The following CCSER2 variants were observed in gnomAD, a reference collection of about 807,000 sequenced individuals.
CCSER2 encodes coiled-coil serine rich protein 2, also known as serine-rich coiled-coil domain-containing protein 2.
A neutral mutation model predicts 92.3 loss-of-function variants in CCSER2; 46 were observed. The ratio of observed to expected loss-of-function variants is 0.50; its 90% confidence interval spans 0.39 to 0.64. The LOEUF (loss-of-function observed/expected upper bound fraction) is 0.64. Ranked by LOEUF, CCSER2 falls within the 30% of genes least tolerant of loss-of-function variation. The probability of loss-of-function intolerance (pLI) is 0.00; values close to 1 mark genes in which losing one functional copy is unlikely to be tolerated. For missense variants in CCSER2, 1,244 were observed against 1,238.9 expected (o/e 1.00, Z -0.06); for synonymous variants, 433 against 431.4 (o/e 1.00, Z -0.04).
intron 9 of CCSER2, among the ~76,000 whole-genome samples, chr10:84,478,215 T>A (rs539013114): frequency 7.9e-4 from 121 of 152,342 alleles, no homozygotes; most frequent in African/African-American, 2.8e-3. Flanking sequence ...CTTATTTGTT[T>A]TTCAAAAATG....
At chr10:84,409,287 G>A (rs1842527278) in intron 3 of CCSER2, among the ~76,000 whole-genome samples, 1 of 150,800 alleles carries the variant, frequency 6.6e-6, no homozygotes, top group Non-Finnish European at 1.5e-5. Context: ...CACCGCGCCT[G>A]GCCTATTTAT....
intron 3 of CCSER2, among the ~76,000 whole-genome samples, chr10:84,397,717 T>C (rs1841917073): frequency 1.3e-5 from 2 of 152,238 alleles, no homozygotes; most frequent in South Asian, 4.1e-4. Flanking sequence ...AAACTTGATT[T>C]GAGCTTACTG....
intron 1 of CCSER2, among the ~76,000 whole-genome samples, 170 bp downstream of exon 1, chr10:84,328,978 G>C (rs569071308): frequency 6.6e-6 from 1 of 151,824 alleles, no homozygotes; most frequent in South Asian, 2.1e-4. Flanking sequence ...AGCCCCTCGC[G>C]AGCCGCCGGA....
intron 7 of CCSER2, among the ~76,000 whole-genome samples, chr10:84,469,939 T>C (rs1846676504): frequency 6.6e-6 from 1 of 151,984 alleles, no homozygotes; most frequent in Non-Finnish European, 1.5e-5. Context: ...CTGCTTCTCA[T>C]GCCCTTTGTT....
At chr10:84,480,260 T>A (rs776663343) in intron 9 of CCSER2, among the ~76,000 whole-genome samples, 4 of 152,030 alleles carry the variant, frequency 2.6e-5, no homozygotes, top group Non-Finnish European at 4.4e-5. Flanking sequence ...TGGGCTCAGG[T>A]GATCTTTTTG....
At chr10:84,381,461 A>G (rs1439530011) in intron 3 of CCSER2, among the ~76,000 whole-genome samples, 1 of 152,204 alleles carries the variant, frequency 6.6e-6, no homozygotes, top group Non-Finnish European at 1.5e-5. Context: ...AAAACTTTTC[A>G]TAAATGATAA....
chr10:84,481,257 C>A (rs2133757759), intron 9 of CCSER2, among the ~76,000 whole-genome samples: 1 of 152,256 alleles, frequency 6.6e-6, no homozygotes, highest in Non-Finnish European at 1.5e-5. Context: ...ATGACCATTC[C>A]TGTTATGTAA....
At chr10:84,382,616 A>T (rs1259982221) in intron 3 of CCSER2, among the ~76,000 whole-genome samples, 2 of 152,232 alleles carry the variant, frequency 1.3e-5, no homozygotes, top group East Asian at 3.8e-4. Flanking sequence ...GTTGAACTAC[A>T]ATGTCATGAT....
chr10:84,429,425 C>G lies in CCSER2; in HGVS notation c.1868+3532C>G, dbSNP rs1314831393. Among the ~76,000 whole-genome samples the G allele has an allele frequency of 5.3e-5, 8 of 152,116 alleles. 1 individual carries two copies. The Middle Eastern group carries it at 0.017, about 323-fold the overall frequency. ...GGAAGGTGTGTTAGCAATAAATTCT[C>G]TGTTTTTGTTTATCTGGGAATGTCT... On this transcript the variant is annotated intron_variant, in intron 5 of 9. Coordinates refer to ENST00000372088, the MANE Select transcript of CCSER2 (RefSeq NM_001284240.2).
chr10:84,467,252 C>A (rs1391299529), intron 7 of CCSER2, among the ~76,000 whole-genome samples: 1 of 152,118 alleles, frequency 6.6e-6, no homozygotes, highest in Non-Finnish European at 1.5e-5. Flanking sequence ...CTGTAGGTTT[C>A]TCCTCTTCTT....
At chr10:84,399,125 C>A (rs1841987735) in intron 3 of CCSER2, among the ~76,000 whole-genome samples, 1 of 152,032 alleles carries the variant, frequency 6.6e-6, no homozygotes, top group East Asian at 1.9e-4. Flanking sequence ...TTTTAGCATA[C>A]CCATCACCTG....
Position 84,337,376 on chromosome 10 carries a change from G to A in CCSER2, c.-40+8568G>A, listed in dbSNP as rs2132989574. Among the ~76,000 whole-genome samples, 2 of 152,328 alleles carry A rather than the reference G, an allele frequency of 1.3e-5. 1 individual carries two copies. Among genetic ancestry groups the A allele is most frequent in the South Asian group, 4.1e-4 (2 of 4,832 alleles). On this transcript the variant is annotated intron_variant, in intron 1 of 9. Coordinates refer to ENST00000372088, the MANE Select transcript of CCSER2 (RefSeq NM_001284240.2). ...GCCAAGTGAAATGTTGTAAGAAGGA[G>A]CGAGTGAGTAATCAGCTGTGTCAGA...
chr10:84,463,085 T>G (rs1238666917), intron 6 of CCSER2, among the ~76,000 whole-genome samples: 1 of 152,208 alleles, frequency 6.6e-6, no homozygotes, highest in East Asian at 1.9e-4. Context: ...CTTGAGGCTG[T>G]CTTTCTGAAC....
intron 3 of CCSER2, among the ~76,000 whole-genome samples, chr10:84,406,478 G>A (rs1053378162): frequency 1.3e-5 from 2 of 152,110 alleles, no homozygotes; most frequent in Non-Finnish European, 2.9e-5. Flanking sequence ...ATGTGTGAAG[G>A]AAGCACTGAC....
chr10:84,329,416 T>C (rs748489544), intron 1 of CCSER2, among the ~76,000 whole-genome samples: 1 of 152,178 alleles, frequency 6.6e-6, no homozygotes, highest in African/African-American at 2.4e-5. Flanking sequence ...ATTTCAGTAA[T>C]TGCATATTCA....
chr10:84,416,860 G>A (rs1842912515), intron 3 of CCSER2, among the ~76,000 whole-genome samples: 1 of 152,144 alleles, frequency 6.6e-6, no homozygotes, highest in Admixed American at 6.5e-5. Flanking sequence ...GAACCCAGGA[G>A]GCGGAGCTTG....
At chr10:84,500,471 A>G (rs990438379) in intron 9 of CCSER2, among the ~76,000 whole-genome samples, 1 of 152,206 alleles carries the variant, frequency 6.6e-6, no homozygotes, top group South Asian at 2.1e-4. Flanking sequence ...TGTTTTTTCT[A>G]AAAGTGGTTT....
chr10:84,332,075 T>G (rs1422727462), intron 1 of CCSER2, among the ~76,000 whole-genome samples: 2 of 152,162 alleles, frequency 1.3e-5, no homozygotes, highest in Non-Finnish European at 2.9e-5. Flanking sequence ...ATTACTAGAT[T>G]TACTTCTAAA....
chr10:84,399,258 C>G (rs985805583), intron 3 of CCSER2, among the ~76,000 whole-genome samples: 1 of 152,164 alleles, frequency 6.6e-6, no homozygotes, highest in African/African-American at 2.4e-5. Flanking sequence ...CATTGTTTAG[C>G]TCCCACTTAT....
Sources: allele counts gnomAD v4.1 joint callset (sites outside exome capture counted in the v4.1 genomes callset), GRCh38; gene constraint gnomAD v4.1.1; transcripts MANE v1.5; gene names NCBI Gene and HGNC (gene_info 2026-07-23, HGNC 2026-07-21).